Variants in RETREG1 observed in about 807,000 individuals in gnomAD.
RETREG1 encodes family with sequence similarity 134 member B.
Under a neutral mutation model 54.8 loss-of-function variants are expected in RETREG1, and 44 were observed. The observed-to-expected ratio is 0.80, with a 90% CI of 0.63 to 1.03. The LOEUF (loss-of-function observed/expected upper bound fraction) is 1.03. RETREG1 is among the 50% of genes least tolerant of loss of function. RETREG1 has a pLI of 0.00. For missense variants in RETREG1, 554 were observed against 605.1 expected (o/e 0.92, Z 0.89); for synonymous variants, 217 against 238.5 (o/e 0.91, Z 0.83).
At chr5:16,615,412 A>G (rs552868279) in intron 1 of RETREG1, among the ~76,000 whole-genome samples, 73 of 150,210 alleles carry the variant, frequency 4.9e-4, no homozygotes, top group Non-Finnish European at 6.5e-4. Context: ...AAAAAAAAAA[A>G]AAAGAAAGAA....
At chr5:16,612,578 G>A (rs1317519451) in intron 1 of RETREG1, among the ~76,000 whole-genome samples, 3 of 152,192 alleles carry the variant, frequency 2.0e-5, no homozygotes. Flanking sequence ...CTTCATTGGT[G>A]AAATGAGTGA....
Position 16,616,869 on chromosome 5 carries a change from C to T in RETREG1, c.103G>A (p.Ala35Thr), listed in dbSNP as rs1368707514. 24 of 1,501,106 alleles carry T rather than the reference C, an allele frequency of 1.6e-5. No individual in the cohort carries two copies. Among genetic ancestry groups the T allele is most frequent in the South Asian group, 3.7e-5 (3 of 80,700 alleles). 93.0% of individuals were successfully genotyped at this position (1,501,106 alleles called of 1,614,324 possible). Residue 35 changes from alanine to threonine, a missense_variant, in exon 1 of 9, where the codon GCA becomes ACA. Transcript: ENST00000306320. ...PSPPPPQASP[A>T]ERQQQEEEAQ... The stretch of plus-strand genomic sequence containing the variant: ...TCCTCCTCCTGCTGCTGCCGCTCTG[C>T]GGGGGATGCCTGGGGCGGTGGCGGC...
In RETREG1 at chr5:16,593,405, A is replaced by G. The variant is rs1175952718; in HGVS notation, c.321-21303T>C. On this transcript the variant is annotated intron_variant, in intron 1 of 8. Transcript: ENST00000306320. This position sits in a 1 kb window ranked among gnomAD's most constrained non-coding sequence, Gnocchi z 4.9. ...CCAAGCACTAGGTCTCTGCATGCCAATCACAGGCACTCAATAAATACTTTT... is the reference window on the plus strand; with the variant it reads ...CCAAGCACTAGGTCTCTGCATGCCAGTCACAGGCACTCAATAAATACTTTT... Among the ~76,000 whole-genome samples, 1 of 152,198 alleles carries G rather than the reference A, an allele frequency of 6.6e-6. No homozygotes were observed. Among genetic ancestry groups the G allele is most frequent in the Non-Finnish European group, 1.5e-5 (1 of 68,044 alleles).
At chr5:16,565,985 T>C (rs1308565175) in intron 2 of RETREG1, among the ~76,000 whole-genome samples, 192 bp from the exon 3 acceptor site, 2 of 152,222 alleles carry the variant, frequency 1.3e-5, no homozygotes, top group East Asian at 1.9e-4. Flanking sequence ...CATATACTTA[T>C]TGAGATCCTA....
rs1579668622 is a variant in RETREG1 at position 16,543,968 on chromosome 5, A to C, written c.458+21795T>G. On this transcript the variant is annotated intron_variant, in intron 3 of 8. Transcript: ENST00000306320. ...ATTTTTTATGGGTTTGTTTATTGCC[A>C]AGTTTTTTTTTTTTTTTTTTTTTGG... Among the ~76,000 whole-genome samples the C allele has an allele frequency of 4.1e-5, 6 of 146,926 alleles. No individual in the cohort carries two copies. In the South Asian group the frequency reaches 1.3e-3, roughly 31 times the overall value.
chr5:16,542,396 C>T (rs1416458441), intron 3 of RETREG1, among the ~76,000 whole-genome samples: 1 of 152,210 alleles, frequency 6.6e-6, no homozygotes, highest in East Asian at 1.9e-4. Flanking sequence ...GGTGACAGGG[C>T]TTTTGAAAAA....
chr5:16,483,521 T>C (rs760972498), intron 3 of RETREG1, 49 bp from the exon 4 acceptor site: 1 of 1,600,746 alleles, frequency 6.2e-7, no homozygotes, highest in Non-Finnish European at 8.5e-7. Flanking sequence ...GGATGATTCA[T>C]TCAACATTTA....
chr5:16,545,938 A>C (rs1227328341), intron 3 of RETREG1, among the ~76,000 whole-genome samples: 1 of 152,206 alleles, frequency 6.6e-6, no homozygotes, highest in Non-Finnish European at 1.5e-5. Context: ...GGGAAGGAGA[A>C]GGCATGCTGG....
At chr5:16,613,163 G>GC (rs1307707884) in intron 1 of RETREG1, among the ~76,000 whole-genome samples, 1 of 151,902 alleles carries the variant, frequency 6.6e-6, no homozygotes, top group East Asian at 1.9e-4. Flanking sequence ...AGCATCTGAG[G>GC]CAACTACTGC....
chr5:16,547,215 C>G (rs926901456), intron 3 of RETREG1, among the ~76,000 whole-genome samples: 5 of 152,202 alleles, frequency 3.3e-5, no homozygotes, highest in Non-Finnish European at 7.3e-5. Flanking sequence ...CAGAGACCGA[C>G]AGGGTGACTG....
At chr5:16,530,414 G>A (rs1020088470) in intron 3 of RETREG1, among the ~76,000 whole-genome samples, 1 of 152,184 alleles carries the variant, frequency 6.6e-6, no homozygotes, top group African/African-American at 2.4e-5. Flanking sequence ...ATCAGTAAAA[G>A]TGAGATAATA....
intron 1 of RETREG1, among the ~76,000 whole-genome samples, chr5:16,581,004 G>A (rs544725951): frequency 2.6e-5 from 4 of 152,192 alleles, no homozygotes; most frequent in Non-Finnish European, 5.9e-5. Context: ...GGTGATGACA[G>A]TCACCACCTG....
intron 3 of RETREG1, among the ~76,000 whole-genome samples, chr5:16,544,318 T>G (rs1474205394): frequency 6.6e-6 from 1 of 152,172 alleles, no homozygotes; most frequent in African/African-American, 2.4e-5. Flanking sequence ...CTGGAAAAAA[T>G]GTATTTTATC....
chr5:16,529,446 G>C (rs542048170), intron 3 of RETREG1, among the ~76,000 whole-genome samples: 4 of 152,280 alleles, frequency 2.6e-5, no homozygotes, highest in Non-Finnish European at 5.9e-5. Context: ...TTGCTGTCCA[G>C]GTAAATATTG....
chr5:16,478,258 T>A (rs1579580198), intron 6 of RETREG1, among the ~76,000 whole-genome samples, 160 bp from the exon 7 acceptor site: 2 of 152,312 alleles, frequency 1.3e-5, no homozygotes, highest in Non-Finnish European at 2.9e-5. Flanking sequence ...TGTTTGCACA[T>A]AACAAGCTTC....
chr5:16,549,660 T>A (rs1741478760), intron 3 of RETREG1, among the ~76,000 whole-genome samples: 1 of 152,188 alleles, frequency 6.6e-6, no homozygotes, highest in Admixed American at 6.5e-5. Flanking sequence ...TCATCCAAAC[T>A]TAGCCCCAGG....
At chr5:16,488,716 C>G (rs1350851686) in intron 3 of RETREG1, among the ~76,000 whole-genome samples, 1 of 152,174 alleles carries the variant, frequency 6.6e-6, no homozygotes, top group African/African-American at 2.4e-5. Flanking sequence ...GTAGAATACT[C>G]AGAAGGGTCT....
At chr5:16,511,567 T>G (rs1241758807) in intron 3 of RETREG1, among the ~76,000 whole-genome samples, 4 of 152,200 alleles carry the variant, frequency 2.6e-5, no homozygotes, top group Non-Finnish European at 5.9e-5. Context: ...AATTGCTTGT[T>G]CCAACCATGG....
intron 3 of RETREG1, among the ~76,000 whole-genome samples, chr5:16,540,487 ACT>A (rs1423368033): frequency 1.3e-5 from 2 of 152,184 alleles, no homozygotes; most frequent in Admixed American, 1.3e-4. Context: ...AGAATCTCAA[ACT>A]CTCTGATTCT....
Sources: allele counts gnomAD v4.1 joint callset (sites outside exome capture counted in the v4.1 genomes callset), GRCh38; gene constraint gnomAD v4.1.1; non-coding constraint Gnocchi (gnomAD v3.1); transcripts MANE v1.5; gene names NCBI Gene and HGNC (gene_info 2026-07-23, HGNC 2026-07-21).